SNX14: variants seen among roughly 807,000 people sequenced by gnomAD.
The protein encoded by SNX14 is sorting nexin-14.
Under a neutral mutation model 133.8 loss-of-function variants are expected in SNX14, and 93 were observed. That is an observed-to-expected ratio of 0.70 (90% CI 0.59 to 0.83). The LOEUF (loss-of-function observed/expected upper bound fraction) is 0.83. Among genes scored for constraint, SNX14 ranks in the 40% least tolerant of loss-of-function variants. The pLI is 0.00. For synonymous variants in SNX14, 368 were observed against 365.6 expected (o/e 1.01, Z -0.07); for missense variants, 945 against 1,094.9 (o/e 0.86, Z 1.93).
chr6:85,565,569 A>G (rs1227085167), intron 5 of SNX14, 150 bp from the exon 6 acceptor site: 1 of 596,538 alleles, frequency 1.7e-6, no homozygotes, highest in Non-Finnish European at 3.0e-6. Context: ...AGAAAAAAAG[A>G]CATGTACAAA....
At chr6:85,526,454 A>G (rs1427032078) in intron 20 of SNX14, among the ~76,000 whole-genome samples, 1 of 152,198 alleles carries the variant, frequency 6.6e-6, no homozygotes, top group Non-Finnish European at 1.5e-5. Flanking sequence ...TGGCTCTTCC[A>G]CATGCTAGCT....
At chr6:85,578,733 C>A (rs527521090) in intron 1 of SNX14, among the ~76,000 whole-genome samples, 3 of 152,134 alleles carry the variant, frequency 2.0e-5, no homozygotes, top group Non-Finnish European at 4.4e-5. Context: ...GGACAACATA[C>A]AGAAAGAAAG....
At chr6:85,583,029 T>A (rs1006479937) in intron 1 of SNX14, among the ~76,000 whole-genome samples, 3 of 152,134 alleles carry the variant, frequency 2.0e-5, no homozygotes, top group Non-Finnish European at 2.9e-5. Flanking sequence ...CTCAAAAAAA[T>A]ACTGGCAAAC....
chr6:85,528,217 T>C lies in SNX14; in HGVS notation c.1995+45A>G, dbSNP rs1021194695. 4 of 1,340,558 alleles carry C rather than the reference T, an allele frequency of 3.0e-6. No individual in the cohort carries two copies. In the African/African-American group the frequency reaches 4.3e-5, roughly 15 times the overall value. 83.0% of individuals were successfully genotyped at this position (1,340,558 alleles called of 1,614,324 possible). A position where few individuals can be genotyped will look rare whatever the true frequency, so the allele number is the denominator to read the frequency against. ...AGAGAAAAAGAGACAAATTAGAGAATGCTATGATTAGCAACATTTGGAATT... is the reference window on the plus strand; with the variant it reads ...AGAGAAAAAGAGACAAATTAGAGAACGCTATGATTAGCAACATTTGGAATT... On this transcript the variant is annotated intron_variant, in intron 20 of 28. Transcript: ENST00000314673.
chr6:85,533,698 ATGG>A lies in SNX14; in HGVS notation c.1708_1710del (p.Pro570del), dbSNP rs1780973402. 1.2e-6 allele frequency: 2 copies of A among 1,613,822 alleles called. No homozygotes were observed. The highest frequency in any genetic ancestry group is 1.7e-6 in the Non-Finnish European group (2 of 1,180,016). ...GAGGGATCCTCAAAAAAGTCTACAT[ATGG>A]AATGCTAATTTTCCATGCAGCAAGG... On this transcript the variant is annotated inframe_deletion, in exon 18 of 29. Coordinates refer to ENST00000314673, the MANE Select transcript of SNX14 (RefSeq NM_153816.6).
chr6:85,533,579 G>T lies in SNX14; in HGVS notation c.1810+20C>A, dbSNP rs1314110807. ...CATTCATGGGCATCTTTTAAGAAAG[G>T]TGCTCAGAAAGCTTCCTACCTGCTC... On this transcript the variant is annotated intron_variant, in intron 18 of 28. Coordinates refer to ENST00000314673, the MANE Select transcript of SNX14 (RefSeq NM_153816.6). The T allele has an allele frequency of 6.2e-7, 1 of 1,603,302 alleles. No individual in the cohort carries two copies. Among genetic ancestry groups the T allele is most frequent in the Non-Finnish European group, 8.5e-7 (1 of 1,174,988 alleles).
In SNX14 at chr6:85,547,246, TAA is replaced by T. The variant is rs765090517; in HGVS notation, c.994-22_994-21del. 1.2e-6 allele frequency: 2 copies of T among 1,612,332 alleles called. No individual in the cohort carries two copies. The highest frequency in any genetic ancestry group is 1.7e-6 in the Non-Finnish European group (2 of 1,178,796). The stretch of plus-strand genomic sequence containing the variant: ...CAGCACCTTGATATAAGAGAAAGAT[TAA>T]GTTTAAGCTATATAAATGAGTTCTA... On this transcript the variant is annotated intron_variant, in intron 11 of 28. Transcript: ENST00000314673.
Position 85,517,617 on chromosome 6 carries a change from G to A in SNX14, c.2268+139C>T, listed in dbSNP as rs185787935. 3,640 of 1,004,350 alleles carry A rather than the reference G, an allele frequency of 3.6e-3. 8 individuals carry two copies. The highest frequency in any genetic ancestry group is 4.6e-3 in the Non-Finnish European group (3,332 of 718,716). 62.2% of individuals were successfully genotyped at this position (1,004,350 alleles called of 1,614,324 possible). On this transcript the variant is annotated intron_variant, in intron 23 of 28. Transcript: ENST00000314673. ...TTACACACAATACCCTCTGTATACC[G>A]TTCAACTGATTTCCACATAAAGGAA...
Position 85,515,266 on chromosome 6 carries a change from A to AC in SNX14, c.2269-638_2269-637insG, listed in dbSNP as rs1389494931. On this transcript the variant is annotated intron_variant, in intron 23 of 28. Transcript: ENST00000314673. ...TGGGTGACAGAGCAAGACCGTCAAA[A>AC]AAAAAAAAAAAAAAAAAAAAACACT... Among the ~76,000 whole-genome samples the AC allele has an allele frequency of 2.0e-4, 30 of 146,792 alleles. No homozygotes were observed. In the South Asian group the frequency reaches 3.3e-3, roughly 16 times the overall value.
chr6:85,585,990 G>GA (rs536086390), intron 1 of SNX14, among the ~76,000 whole-genome samples: 2,028 of 74,994 alleles, frequency 0.027, 16 homozygotes, highest in Non-Finnish European at 0.037. Flanking sequence ...CCCGCAACAG[G>GA]AAAAAAAAAA....
intron 21 of SNX14, among the ~76,000 whole-genome samples, chr6:85,523,158 T>A (rs1777435850): frequency 6.6e-6 from 1 of 152,176 alleles, no homozygotes; most frequent in South Asian, 2.1e-4. Flanking sequence ...TACCGGTAAG[T>A]TATATTGGTA....
chr6:85,588,388 A>G (rs1254184261), intron 1 of SNX14, among the ~76,000 whole-genome samples: 1 of 151,932 alleles, frequency 6.6e-6, no homozygotes, highest in African/African-American at 2.4e-5. Flanking sequence ...CCTGACTAAC[A>G]CGGTGAAACC....
chr6:85,508,958 A>T (rs1209760385), intron 26 of SNX14, among the ~76,000 whole-genome samples: 1 of 152,242 alleles, frequency 6.6e-6, no homozygotes, highest in Non-Finnish European at 1.5e-5. Context: ...AATTTACAAT[A>T]GGCATAGTAC....
chr6:85,537,922 A>G (rs979382598), intron 16 of SNX14, among the ~76,000 whole-genome samples: 1 of 152,198 alleles, frequency 6.6e-6, no homozygotes, highest in Non-Finnish European at 1.5e-5. Flanking sequence ...GTGAGGCTCC[A>G]TCAAGAAAAT....
At chr6:85,510,624 G>A (rs1484780502) in intron 26 of SNX14, among the ~76,000 whole-genome samples, 3 of 152,098 alleles carry the variant, frequency 2.0e-5, no homozygotes, top group African/African-American at 4.8e-5. Context: ...TTTTAATGAA[G>A]TAAAGATTAT....
intron 19 of SNX14, among the ~76,000 whole-genome samples, chr6:85,528,825 A>G (rs983974022): frequency 6.6e-6 from 1 of 152,166 alleles, no homozygotes; most frequent in Non-Finnish European, 1.5e-5. Context: ...GAGAGGCCAC[A>G]GCGAGCAGAT....
At chr6:85,574,058 TTATA>T (rs1382825739) in intron 2 of SNX14, among the ~76,000 whole-genome samples, 196 bp downstream of exon 2, 2 of 113,708 alleles carry the variant, frequency 1.8e-5, no homozygotes, top group South Asian at 3.0e-4. Flanking sequence ...ATGGATTTTT[TTATA>T]ATAATAAAAT....
chr6:85,548,429 TTAACTTTCAAGTGCATGTGAATTACG>T (rs1301958419), intron 8 of SNX14, 53 bp from the exon 9 acceptor site: 52 of 1,364,102 alleles, frequency 3.8e-5, no homozygotes, highest in Non-Finnish European at 5.2e-5. Context: ...ATATTAGTTC[TTAACTTTCAAGTGCATGTGAATTACG>T]TAAGGATCTT....
At position 85,557,996 on chromosome 6, in the gene SNX14, A is replaced by G. The variant is rs758158622; in HGVS notation, c.614T>C (p.Ile205Thr). The G allele has an allele frequency of 6.3e-7, 1 of 1,584,612 alleles. No individual in the cohort carries two copies. Among genetic ancestry groups the G allele is most frequent in the South Asian group, 1.1e-5 (1 of 89,068 alleles). The change falls in exon 7 of 29, where the codon ATA becomes ACA. Residue 205 changes from isoleucine to threonine, a missense_variant. By Grantham distance (89) the Ile-to-Thr change is moderately conservative. This residue lies in a region of SNX14 where 514 missense variants were observed against 538.8 expected (regional missense o/e 0.95). Coordinates refer to ENST00000314673, the MANE Select transcript of SNX14 (RefSeq NM_153816.6). ...LKAAMKHIEV[I>T]VKARQKVKNT... ...ATTACCTTTCTGTCTGGCTTTAACT[A>G]TCACTTCTATATGCTTCATTGCTGC...
Sources: gnomAD v4.1 joint callset for allele counts (sites outside exome capture counted in the v4.1 genomes callset) on GRCh38, gnomAD v4.1.1 for gene constraint, gnomAD v4.1.1 regional missense constraint, MANE v1.5 for transcripts, NCBI Gene and HGNC (gene_info 2026-07-23, HGNC 2026-07-21) for gene names.